BIRC7: variants seen among roughly 807,000 people sequenced by gnomAD.
BIRC7 encodes baculoviral IAP repeat-containing protein 7.
In BIRC7, 26 loss-of-function variants were observed where a neutral mutation model predicts 33.2. That is an observed-to-expected ratio of 0.78 (90% CI 0.57 to 1.09). The LOEUF (loss-of-function observed/expected upper bound fraction) is 1.09. Ranked by LOEUF, BIRC7 falls within the 50% of genes least tolerant of loss-of-function variation. BIRC7 has a pLI of 0.00. For missense variants in BIRC7, 409 were observed against 401.2 expected, an observed-to-expected ratio of 1.02 and a Z score of -0.17; for synonymous variants, 176 against 171.0, an observed-to-expected ratio of 1.03 and a Z score of -0.23.
At position 63,239,601 on chromosome 20, in the gene BIRC7, C is replaced by T. The variant is rs1276383203; in HGVS notation, c.893C>T (p.Ser298Phe). ...CGCAGCCGCGTGCGCACCTTCCTGT[C>T]CTAGGCCAGGTGAGCGCCCCAGCAC... Reference protein sequence around the residue: ...PVRSRVRTFLS With the variant: ...PVRSRVRTFLF The change falls in exon 6 of 7, where the codon TCC becomes TTC. Residue 298 changes from serine (S) to phenylalanine (F), a missense_variant. Ser to Phe is a radical substitution (Grantham distance 155, BLOSUM62 -2). Coordinates refer to ENST00000217169, the MANE Select transcript of BIRC7 (RefSeq NM_139317.3). 6.3e-7 allele frequency: 1 copy of T among 1,594,840 alleles called. No individual in the cohort carries two copies. The highest frequency in any genetic ancestry group is 2.2e-5 in the East Asian group (1 of 44,678).
intron 1 of BIRC7, among the ~76,000 whole-genome samples, chr20:63,237,156 G>A (rs1396868679): frequency 6.6e-6 from 1 of 152,202 alleles, no homozygotes; most frequent in Non-Finnish European, 1.5e-5. Context: ...CACCATCCTG[G>A]TAAGGCTGGA....
chr20:63,236,679 G>A (rs965354274), intron 1 of BIRC7, among the ~76,000 whole-genome samples: 1 of 152,232 alleles, frequency 6.6e-6, no homozygotes, highest in Non-Finnish European at 1.5e-5. Flanking sequence ...AGGAGGGGCT[G>A]CCTCTGGCCA....
chr20:63,238,268 C>A (rs556406992), intron 2 of BIRC7, 128 bp from the exon 3 acceptor site: 2 of 1,175,110 alleles, frequency 1.7e-6, no homozygotes, highest in Non-Finnish European at 2.5e-6. Context: ...CAGCCCTCCT[C>A]GCCCATGCCC....
chr20:63,236,055 C>T lies in BIRC7; in HGVS notation c.-42C>T, dbSNP rs544566698. On this transcript the variant is annotated 5_prime_UTR_variant, in exon 1 of 7. Coordinates refer to ENST00000217169, the MANE Select transcript of BIRC7 (RefSeq NM_139317.3). Reference sequence around the variant, plus strand: ...CATATTCTGAGATTGGCCATCAGCCCCCATTTCTGCTGCAAACCTGGTCAG... The same window carrying T: ...CATATTCTGAGATTGGCCATCAGCCTCCATTTCTGCTGCAAACCTGGTCAG... The T allele has an allele frequency of 3.5e-5, 52 of 1,478,322 alleles. No individual in the cohort carries two copies. The African/African-American group carries it at 5.7e-4, about 16-fold the overall frequency. 91.6% of individuals were successfully genotyped at this position (1,478,322 alleles called of 1,614,324 possible).
In BIRC7 at chr20:63,236,317, C is replaced by T. The variant is rs138408753; in HGVS notation, c.221C>T (p.Thr74Ile). 3.6e-4 allele frequency: 585 copies of T among 1,609,246 alleles called. No homozygotes were observed. The highest frequency in any genetic ancestry group is 4.7e-4 in the Non-Finnish European group (551 of 1,177,604). Residue 74 changes from threonine to isoleucine, a missense_variant, in exon 1 of 7, where the codon ACC becomes ATC. By Grantham distance (89) the Thr-to-Ile change is moderately conservative. Transcript: ENST00000217169. Reference protein sequence around the residue: ...EEEEEEGAGATLSRGPAFPGM... With the variant: ...EEEEEEGAGAILSRGPAFPGM... ...GAAGAGGAGGAGGGCGCCGGGGCCA[C>T]CTTGTCCAGGGGGCCTGCCTTCCCC...
At position 63,235,973 on chromosome 20, in the gene BIRC7, C is replaced by A; in HGVS notation, c.-124C>A. On this transcript the variant is annotated 5_prime_UTR_variant, in exon 1 of 7. Coordinates refer to ENST00000217169, the MANE Select transcript of BIRC7 (RefSeq NM_139317.3). ...TGTCTGGTGGCAGGCCTGTGCCTATCCCTGCTGTCCCCAGGGTGGGCCCCG... is the reference window on the plus strand; with the variant it reads ...TGTCTGGTGGCAGGCCTGTGCCTATACCTGCTGTCCCCAGGGTGGGCCCCG... The A allele has an allele frequency of 8.1e-7, 1 of 1,227,556 alleles. No individual in the cohort carries two copies. The highest frequency in any genetic ancestry group is 1.1e-6 in the Non-Finnish European group (1 of 902,800). 76.0% of individuals were successfully genotyped at this position (1,227,556 alleles called of 1,614,324 possible). A position where few individuals can be genotyped will look rare whatever the true frequency, so the allele number is the denominator to read the frequency against.
chr20:63,237,829 G>C (rs1348564794), intron 1 of BIRC7, 74 bp from the exon 2 acceptor site: 2 of 1,337,570 alleles, frequency 1.5e-6, no homozygotes, highest in South Asian at 1.5e-5. Flanking sequence ...AGCTCTCATA[G>C]CCTTGGAAGG....
chr20:63,239,141 G>T, intron 4 of BIRC7, 21 bp from the exon 5 acceptor site: 1 of 1,608,822 alleles, frequency 6.2e-7, no homozygotes. Flanking sequence ...TAGGCCTCAA[G>T]TCTATCCTAA....
At position 63,236,128 on chromosome 20, in the gene BIRC7, A is replaced by G; in HGVS notation, c.32A>G (p.His11Arg). 2 of 1,575,636 alleles carry G rather than the reference A, an allele frequency of 1.3e-6. No individual in the cohort carries two copies. The highest frequency in any genetic ancestry group is 1.7e-6 in the Non-Finnish European group (2 of 1,159,590). Residue 11 changes from histidine to arginine, a missense_variant, in exon 1 of 7, where the codon CAC becomes CGC. By Grantham distance (29) the His-to-Arg change is conservative. Coordinates refer to ENST00000217169, the MANE Select transcript of BIRC7 (RefSeq NM_139317.3). Reference sequence around the variant, plus strand: ...CCTAAAGACAGTGCCAAGTGCCTGCACCGTGGACCACAGCCGAGCCACTGG... The same window carrying G: ...CCTAAAGACAGTGCCAAGTGCCTGCGCCGTGGACCACAGCCGAGCCACTGG... MGPKDSAKCLHRGPQPSHWAA... is the reference protein window; with the variant it reads MGPKDSAKCLRRGPQPSHWAA...
intron 6 of BIRC7, 138 bp downstream of exon 6, chr20:63,239,748 G>C: frequency 8.2e-7 from 1 of 1,223,234 alleles, no homozygotes; most frequent in Non-Finnish European, 1.1e-6. Context: ...CCCAGGTCCC[G>C]CTGATAGCGC....
rs776406375 is a variant in BIRC7, at chr20:63,236,191, C to A, written c.95C>A (p.Pro32His). The A allele has an allele frequency of 6.3e-7, 1 of 1,589,552 alleles. No homozygotes were observed. Among genetic ancestry groups the A allele is most frequent in the Middle Eastern group, 1.7e-4 (1 of 6,028 alleles). ...GGTCCCACGCAGGAGCGCTGTGGAC[C>A]CCGCTCTCTGGGCAGCCCTGTCCTA... is the stretch of plus-strand genomic sequence containing the variant. ...GDGPTQERCGPRSLGSPVLGL... is the reference protein window; with the variant it reads ...GDGPTQERCGHRSLGSPVLGL... The change falls in exon 1 of 7, where the codon CCC becomes CAC. Residue 32 changes from proline (P) to histidine (H), a missense_variant. Pro to His is a moderately conservative substitution (Grantham distance 77, BLOSUM62 -2). Transcript: ENST00000217169.
At chr20:63,238,678 A>T (rs1448682338) in intron 4 of BIRC7, 64 bp downstream of exon 4, 1 of 1,585,284 alleles carries the variant, frequency 6.3e-7, no homozygotes, top group Non-Finnish European at 8.6e-7. Context: ...GGCCAAGGCC[A>T]CTGGGTGTCC....
intron 4 of BIRC7, chr20:63,238,871 C>T (rs919069319): frequency 2.4e-5 from 15 of 626,942 alleles, no homozygotes; most frequent in South Asian, 1.2e-4. Flanking sequence ...CATTGCCTGT[C>T]GCCATACCAC....
At chr20:63,239,269 C>A in intron 5 of BIRC7, 36 bp downstream of exon 5, 1 of 1,609,578 alleles carries the variant, frequency 6.2e-7, no homozygotes, top group Non-Finnish European at 8.5e-7. Context: ...AGGGCTGGGG[C>A]AGGGGAGGGC....
In BIRC7 at chr20:63,237,952, C is replaced by G; in HGVS notation, c.399C>G (p.Ser133Arg). The change falls in exon 2 of 7, where the codon AGC becomes AGG. Residue 133 changes from serine (S) to arginine (R), a missense_variant. Ser to Arg is a moderately radical substitution (Grantham distance 110, BLOSUM62 -1). Coordinates refer to ENST00000217169, the MANE Select transcript of BIRC7 (RefSeq NM_139317.3). ...TCTTCTGCTATGGGGGCCTGCAGAGCTGGAAGCGCGGGGACGACCCCTGGA... is the reference window on the plus strand; with the variant it reads ...TCTTCTGCTATGGGGGCCTGCAGAGGTGGAAGCGCGGGGACGACCCCTGGA... ...RCFFCYGGLQ[S>R]WKRGDDPWTE... 3.1e-6 allele frequency: 5 copies of G among 1,608,866 alleles called. No individual in the cohort carries two copies. Among genetic ancestry groups the G allele is most frequent in the Non-Finnish European group, 3.4e-6 (4 of 1,178,544 alleles).
Position 63,236,182 on chromosome 20 carries a change from G to T in BIRC7, c.86G>T (p.Arg29Leu). The T allele has an allele frequency of 6.3e-7, 1 of 1,590,678 alleles. No homozygotes were observed. Among genetic ancestry groups the T allele is most frequent in the Non-Finnish European group, 8.6e-7 (1 of 1,168,152 alleles). The change falls in exon 1 of 7, where the codon CGC becomes CTC. Residue 29 changes from arginine to leucine, a missense_variant. Physicochemically the swap from Arg to Leu is moderately radical, Grantham distance 102. Coordinates refer to ENST00000217169, the MANE Select transcript of BIRC7 (RefSeq NM_139317.3). ...WAAGDGPTQE[R>L]CGPRSLGSPV... ...GCCGGTGATGGTCCCACGCAGGAGC[G>T]CTGTGGACCCCGCTCTCTGGGCAGC... is the stretch of plus-strand genomic sequence containing the variant.
At chr20:63,237,063 A>C (rs549747558) in intron 1 of BIRC7, among the ~76,000 whole-genome samples, 1 of 152,348 alleles carries the variant, frequency 6.6e-6, no homozygotes, top group East Asian at 1.9e-4. Flanking sequence ...TTCCTGGCTG[A>C]AGGACAGGGC....
At chr20:63,236,737 A>T (rs1350917857) in intron 1 of BIRC7, among the ~76,000 whole-genome samples, 2 of 152,052 alleles carry the variant, frequency 1.3e-5, no homozygotes, top group African/African-American at 4.8e-5. Context: ...GTGCACAAGT[A>T]CCCCTTTGTG....
In BIRC7 at chr20:63,239,243, CG is replaced by C. The variant is rs1568696719; in HGVS notation, c.649+13del. Reference sequence around the variant, plus strand: ...AGTGCCCAGGAGCCAGGTGCAGGCCCGGGACCCCCTGGGTGAGGGCTGGGGC... The same window carrying C: ...AGTGCCCAGGAGCCAGGTGCAGGCCCGGACCCCCTGGGTGAGGGCTGGGGC... On this transcript the variant is annotated intron_variant, in intron 5 of 6. Transcript: ENST00000217169. 6.4e-7 allele frequency: 1 copy of C among 1,553,388 alleles called. No individual in the cohort carries two copies. Among genetic ancestry groups the C allele is most frequent in the Non-Finnish European group, 8.7e-7 (1 of 1,153,628 alleles).
Sources: allele counts gnomAD v4.1 joint callset (sites outside exome capture counted in the v4.1 genomes callset), GRCh38; gene constraint gnomAD v4.1.1; transcripts MANE v1.5; gene names NCBI Gene and HGNC (gene_info 2026-07-23, HGNC 2026-07-21).